The following YTHDC2 variants were observed in gnomAD, a reference collection of about 807,000 sequenced individuals.
The protein encoded by YTHDC2 is YTH N6-methyladenosine RNA binding protein C2.
YTHDC2 carries 45 observed loss-of-function variants against 174.9 expected under a neutral mutation model. That is an observed-to-expected ratio of 0.26 (90% CI 0.20 to 0.33). The LOEUF (loss-of-function observed/expected upper bound fraction) is 0.33. YTHDC2 is among the 10% of genes least tolerant of loss of function. YTHDC2 has a pLI of 1.00. For synonymous variants in YTHDC2, 657 were observed against 574.5 expected, an observed-to-expected ratio of 1.14 and a Z score of -2.05; for missense variants, 1,650 against 1,723.7, an observed-to-expected ratio of 0.96 and a Z score of 0.76.
intron 24 of YTHDC2, chr5:113,581,178 A>G: frequency 1.1e-5 from 4 of 358,346 alleles, no homozygotes; most frequent in South Asian, 7.5e-5. Flanking sequence ...CTCTGCCACA[A>G]CTATTGTTTA....
intron 20 of YTHDC2, 189 bp from the exon 21 acceptor site, chr5:113,565,704 G>A: frequency 5.9e-6 from 3 of 506,030 alleles, no homozygotes; most frequent in Non-Finnish European, 9.4e-6. Context: ...TAAACTCAAT[G>A]GCTTTTTTAG....
chr5:113,539,011 A>G (rs1040039388), intron 7 of YTHDC2, 63 bp from the exon 8 acceptor site: 6 of 819,694 alleles, frequency 7.3e-6, no homozygotes, highest in Non-Finnish European at 1.1e-5. Flanking sequence ...TGGGATTTTC[A>G]TGTTTTTATG....
At chr5:113,520,482 GA>G (rs900299675) in intron 2 of YTHDC2, among the ~76,000 whole-genome samples, 9 of 151,180 alleles carry the variant, frequency 6.0e-5, no homozygotes, top group African/African-American at 2.2e-4. Flanking sequence ...AAGGATTATT[GA>G]AAATAAAAGA....
intron 7 of YTHDC2, 81 bp from the exon 8 acceptor site, chr5:113,538,993 C>T: frequency 1.5e-6 from 1 of 674,480 alleles, no homozygotes; most frequent in South Asian, 2.1e-5. Context: ...TACTGAGATT[C>T]ATTAACTTGG....
rs1381269761 is a variant in YTHDC2 at position 113,535,810 on chromosome 5, T to A, written c.1102+12T>A. 3 of 1,553,646 alleles carry A rather than the reference T, an allele frequency of 1.9e-6. No homozygotes were observed. The Admixed American group carries it at 5.9e-5, about 31-fold the overall frequency. On this transcript the variant is annotated intron_variant, in intron 7 of 29. Transcript: ENST00000161863. ...TCCAGTGATATATAGTAAGTTAAAT[T>A]GTCAGATTTCTTCTATAATTTTTAT... is the stretch of plus-strand genomic sequence containing the variant.
intron 1 of YTHDC2, 34 bp from the exon 2 acceptor site, chr5:113,515,238 A>G (rs1283500211): frequency 1.9e-6 from 3 of 1,570,138 alleles, no homozygotes; most frequent in Non-Finnish European, 8.7e-7. Flanking sequence ...TTGCCTATCT[A>G]CAAATTTTAC....
chr5:113,547,280 T>C (rs1257967454), intron 10 of YTHDC2, among the ~76,000 whole-genome samples: 1 of 152,228 alleles, frequency 6.6e-6, no homozygotes, highest in Non-Finnish European at 1.5e-5. Context: ...AATAAATTGA[T>C]CTTTTAAAAT....
At chr5:113,589,408 A>AAAAAATATATAT (rs368975720) in intron 26 of YTHDC2, among the ~76,000 whole-genome samples, 7 of 123,244 alleles carry the variant, frequency 5.7e-5, no homozygotes, top group African/African-American at 2.4e-4. Context: ...AAAAAAAAAA[A>AAAAAATATATAT]ATATATATAT....
chr5:113,537,492 A>G (rs1006702111), intron 7 of YTHDC2, among the ~76,000 whole-genome samples: 1 of 149,504 alleles, frequency 6.7e-6, no homozygotes, highest in Non-Finnish European at 1.5e-5. Flanking sequence ...CTTCTTTTAC[A>G]TGATGCTTAA....
At chr5:113,552,011 G>GTA (rs1776281078) in intron 12 of YTHDC2, among the ~76,000 whole-genome samples, 1 of 152,002 alleles carries the variant, frequency 6.6e-6, no homozygotes, top group African/African-American at 2.4e-5. Context: ...CTTGCTTTTA[G>GTA]TATAGAATTT....
chr5:113,556,120 A>G lies in YTHDC2; in HGVS notation c.2202A>G (p.Ile734Met). 2 of 1,606,758 alleles carry G rather than the reference A, an allele frequency of 1.2e-6. No homozygotes were observed. The highest frequency in any genetic ancestry group is 1.7e-6 in the Non-Finnish European group (2 of 1,174,662). Residue 734 changes from isoleucine to methionine, a missense_variant, in exon 17 of 30, where the codon ATA becomes ATG. By Grantham distance (10) the Ile-to-Met change is conservative (BLOSUM62 1). Around this residue, in one of 5 missense-constraint regions of YTHDC2, gnomAD observed 913 missense variants for 940.4 expected, o/e 0.97. Transcript: ENST00000161863. Reference sequence around the variant, plus strand: ...TATGGATTTCCAAAGCTAGTGCCATACAGCGGAAAGGCAGGTAATGTATAT... The same window carrying G: ...TATGGATTTCCAAAGCTAGTGCCATGCAGCGGAAAGGCAGGTAATGTATAT... ...KMVWISKASAIQRKGRAGRCR... is the reference protein window; with the variant it reads ...KMVWISKASAMQRKGRAGRCR...
Position 113,593,470 on chromosome 5 carries a change from C to A in YTHDC2, c.*8-12C>A. On this transcript the variant is annotated splice_polypyrimidine_tract_variant and intron_variant, in intron 29 of 29. Transcript: ENST00000161863. ...TCAGATTATTTATCTTTTTTTTTCC[C>A]CTTTCTTCTAGAACTCTTAGCTGTG... 2 of 1,159,378 alleles carry A rather than the reference C, an allele frequency of 1.7e-6. No homozygotes were observed. Among genetic ancestry groups the A allele is most frequent in the African/African-American group, 1.6e-5 (1 of 64,390 alleles). 71.8% of individuals were successfully genotyped at this position (1,159,378 alleles called of 1,614,324 possible). A position where few individuals can be genotyped will look rare whatever the true frequency, so the allele number is the denominator to read the frequency against.
chr5:113,582,539 T>G (rs1580643653), intron 25 of YTHDC2: 2 of 152,192 alleles, frequency 1.3e-5, no homozygotes, highest in Non-Finnish European at 2.9e-5. Context: ...TATAATCAGG[T>G]TTTCACCTTG....
rs775738670 is a variant in YTHDC2, at chr5:113,542,482, A to G, written c.1474A>G (p.Ile492Val). 6.2e-7 allele frequency: 1 copy of G among 1,602,794 alleles called. No homozygotes were observed. Among genetic ancestry groups the G allele is most frequent in the East Asian group, 2.2e-5 (1 of 44,606 alleles). Residue 492 changes from isoleucine (I) to valine (V), a missense_variant, in exon 10 of 30, where the codon ATT becomes GTT. Around this residue, in one of 5 missense-constraint regions of YTHDC2, gnomAD observed 411 missense variants for 380.6 expected, o/e 1.08. Transcript: ENST00000161863. The part of the protein sequence containing the change: ...IDAFAQVFHL[I>V]LTENVSVDYR... Reference sequence around the variant, plus strand: ...TGCCTTTGCTCAGGTCTTTCATCTCATTTTAACTGAAAATGTTAGTGGTAA... The same window carrying G: ...TGCCTTTGCTCAGGTCTTTCATCTCGTTTTAACTGAAAATGTTAGTGGTAA...
intron 7 of YTHDC2, among the ~76,000 whole-genome samples, chr5:113,538,830 T>C (rs1775259992): frequency 6.6e-6 from 1 of 152,124 alleles, no homozygotes; most frequent in African/African-American, 2.4e-5. Flanking sequence ...CAAATGATAT[T>C]GATGCCAGAC....
intron 5 of YTHDC2, among the ~76,000 whole-genome samples, chr5:113,533,290 C>T (rs1273677325): frequency 1.3e-5 from 2 of 152,058 alleles, no homozygotes; most frequent in African/African-American, 4.8e-5. Context: ...TGCCTGTAGT[C>T]CCAGTACTTT....
chr5:113,538,580 G>T (rs141570865), intron 7 of YTHDC2, among the ~76,000 whole-genome samples: 42 of 151,806 alleles, frequency 2.8e-4, no homozygotes, highest in African/African-American at 9.9e-4. Flanking sequence ...TTTTCATATG[G>T]CTTTGTTATT....
chr5:113,537,177 C>G (rs1775137687), intron 7 of YTHDC2, among the ~76,000 whole-genome samples: 1 of 152,086 alleles, frequency 6.6e-6, no homozygotes, highest in Non-Finnish European at 1.5e-5. Flanking sequence ...TTAATTTTAA[C>G]AGCTTTTGCC....
chr5:113,548,391 G>C, intron 10 of YTHDC2, 150 bp from the exon 11 acceptor site: 1 of 649,546 alleles, frequency 1.5e-6, no homozygotes, highest in Non-Finnish European at 2.5e-6. Flanking sequence ...TAAGTTAAGG[G>C]TTATGTAGTG....
Sources: gnomAD v4.1 joint callset for allele counts (sites outside exome capture counted in the v4.1 genomes callset) on GRCh38, gnomAD v4.1.1 for gene constraint, gnomAD v4.1.1 regional missense constraint, MANE v1.5 for transcripts, NCBI Gene and HGNC (gene_info 2026-07-23, HGNC 2026-07-21) for gene names.